DCT: variants seen among roughly 807,000 people sequenced by gnomAD.
DCT encodes the protein L-dopachrome tautomerase.
DCT carries 47 observed loss-of-function variants against 53.0 expected under a neutral mutation model. That is an observed-to-expected ratio of 0.89 (90% CI 0.70 to 1.13). DCT has a LOEUF of 1.13. Ranked by LOEUF, DCT falls within the 50% of genes most tolerant of loss-of-function variation. The probability of loss-of-function intolerance (pLI) is 0.00; values close to 1 mark genes in which losing one functional copy is unlikely to be tolerated. For missense variants in DCT, 669 were observed against 637.4 expected (o/e 1.05, Z -0.53); for synonymous variants, 244 against 237.0 (o/e 1.03, Z -0.27).
chr13:94,520,980 A>T, the DCT span, among the ~76,000 whole-genome samples: 1 of 152,224 alleles, frequency 6.6e-6, no homozygotes. Flanking sequence ...AAGATATTTC[A>T]ATGGAGGCTG....
At chr13:94,504,688 G>A in the DCT span, among the ~76,000 whole-genome samples, 2 of 151,974 alleles carry the variant, frequency 1.3e-5, no homozygotes, top group Admixed American at 6.6e-5. Context: ...TTTTGATCTG[G>A]GGGGATACTT....
At chr13:94,465,294 C>T (rs1884094463) in intron 4 of DCT, among the ~76,000 whole-genome samples, 1 of 152,172 alleles carries the variant, frequency 6.6e-6, no homozygotes, top group Admixed American at 6.5e-5. Context: ...AAGAACTACT[C>T]TTAATTTGAT....
the DCT span, among the ~76,000 whole-genome samples, chr13:94,545,763 T>C: frequency 6.3e-3 from 956 of 152,172 alleles, 7 homozygotes; most frequent in Non-Finnish European, 0.01. Context: ...CTTCATTTCA[T>C]ATATATAAGC....
At chr13:94,490,518 A>AACAAC in the DCT span, among the ~76,000 whole-genome samples, 255 of 145,462 alleles carry the variant, frequency 1.8e-3, 5 homozygotes, top group Non-Finnish European at 3.4e-3. Context: ...AAAAAAAAAA[A>AACAAC]AAAAAAAAAA....
chr13:94,520,479 C>A, the DCT span, among the ~76,000 whole-genome samples: 1 of 152,174 alleles, frequency 6.6e-6, no homozygotes, highest in Non-Finnish European at 1.5e-5. Context: ...TCCGACCCTG[C>A]GTCGAAGGGG....
chr13:94,443,221 C>T (rs959965282), intron 7 of DCT, among the ~76,000 whole-genome samples: 1 of 152,082 alleles, frequency 6.6e-6, no homozygotes, highest in Non-Finnish European at 1.5e-5. Context: ...TTTTCTAAAA[C>T]AAGAGTCAGC....
chr13:94,446,546 G>A (rs926439432), intron 6 of DCT, among the ~76,000 whole-genome samples: 1 of 152,196 alleles, frequency 6.6e-6, no homozygotes, highest in African/African-American at 2.4e-5. Flanking sequence ...AATCCTCAAA[G>A]CAGCCTGATT....
At chr13:94,495,440 G>A in the DCT span, among the ~76,000 whole-genome samples, 1 of 152,062 alleles carries the variant, frequency 6.6e-6, no homozygotes, top group African/African-American at 2.4e-5. Context: ...TTCCCAAATT[G>A]CCCTCCAGAA....
At chr13:94,539,413 T>G in the DCT span, among the ~76,000 whole-genome samples, 1 of 152,250 alleles carries the variant, frequency 6.6e-6, no homozygotes, top group Admixed American at 6.5e-5. Flanking sequence ...TGCATTTCTC[T>G]ATGAGCAATT....
chr13:94,478,904 AAGG>A, intron 1 of DCT, 54 bp downstream of exon 1: 1 of 1,492,572 alleles, frequency 6.7e-7, no homozygotes, highest in African/African-American at 1.4e-5. Flanking sequence ...TCTTCCTTAG[AAGG>A]AGCTCTTTCC....
chr13:94,452,184 C>T lies in DCT; in HGVS notation c.1179+7907G>A, dbSNP rs1594285214. ...AGCAGCTGAGACTACAGGTGCCTAA[C>T]ACCACACCCGGCTAATTTTTGTATT... is the stretch of plus-strand genomic sequence containing the variant. On this transcript the variant is annotated intron_variant, in intron 6 of 7. Transcript: ENST00000377028. Among the ~76,000 whole-genome samples, 4 of 152,122 alleles carry T rather than the reference C, an allele frequency of 2.6e-5. No homozygotes were observed. The East Asian group carries it at 7.7e-4, about 29-fold the overall frequency.
chr13:94,458,654 T>C (rs1883570245), intron 6 of DCT, among the ~76,000 whole-genome samples: 1 of 151,786 alleles, frequency 6.6e-6, no homozygotes, highest in Non-Finnish European at 1.5e-5. Context: ...ATATAAAAAT[T>C]AACCGGGCGT....
chr13:94,533,979 A>G, the DCT span, among the ~76,000 whole-genome samples: 1 of 152,108 alleles, frequency 6.6e-6, no homozygotes, highest in Non-Finnish European at 1.5e-5. Context: ...GTACACTTTG[A>G]GTGTAGGTTG....
chr13:94,453,478 A>AT (rs1883226507), intron 6 of DCT, among the ~76,000 whole-genome samples: 1 of 152,204 alleles, frequency 6.6e-6, no homozygotes. Flanking sequence ...TTTTTACAAT[A>AT]TTAGTCTAAT....
chr13:94,507,768 G>A, the DCT span, among the ~76,000 whole-genome samples: 1 of 152,226 alleles, frequency 6.6e-6, no homozygotes, highest in Admixed American at 6.5e-5. Flanking sequence ...CCAAAGTGCT[G>A]GGATTATAGG....
At chr13:94,547,967 A>AC in the DCT span, among the ~76,000 whole-genome samples, 1 of 90,370 alleles carries the variant, frequency 1.1e-5, no homozygotes, top group African/African-American at 5.8e-5. Flanking sequence ...CGTCTCAAAA[A>AC]AAAAAAAAAA....
At chr13:94,469,831 T>C (rs1340688863) in intron 1 of DCT, among the ~76,000 whole-genome samples, 1 of 152,152 alleles carries the variant, frequency 6.6e-6, no homozygotes, top group Non-Finnish European at 1.5e-5. Flanking sequence ...TCCCAGCACT[T>C]TGGGAGGCCG....
chr13:94,495,541 G>A, the DCT span, among the ~76,000 whole-genome samples: 2 of 152,168 alleles, frequency 1.3e-5, no homozygotes, highest in African/African-American at 2.4e-5. Flanking sequence ...TGTATTCCAT[G>A]TATCATCAAA....
chr13:94,451,533 T>G (rs1009395608), intron 6 of DCT, among the ~76,000 whole-genome samples: 2 of 152,254 alleles, frequency 1.3e-5, no homozygotes, highest in Non-Finnish European at 2.9e-5. Context: ...CTTGACACAT[T>G]TCTTAGCCTC....
Sources: gnomAD v4.1 joint callset for allele counts (sites outside exome capture counted in the v4.1 genomes callset) on GRCh38, gnomAD v4.1.1 for gene constraint, MANE v1.5 for transcripts, NCBI Gene and HGNC (gene_info 2026-07-23, HGNC 2026-07-21) for gene names.